Variants in PARPBP observed in about 807,000 individuals in gnomAD.
PARPBP encodes PARP1 binding protein.
PARPBP carries 52 observed loss-of-function variants against 50.0 expected under a neutral mutation model. That is an observed-to-expected ratio of 1.04 (90% CI 0.83 to 1.31). The LOEUF (loss-of-function observed/expected upper bound fraction) is 1.31, where lower values mean the gene tolerates loss of function less well. Ranked by LOEUF, PARPBP falls within the 50% of genes most tolerant of loss-of-function variation. The pLI is 0.00. For synonymous variants in PARPBP, 244 were observed against 232.1 expected (o/e 1.05, Z -0.47); for missense variants, 697 against 672.0 (o/e 1.04, Z -0.41).
At chr12:102,137,207 C>T (rs1883775842) in intron 2 of PARPBP, among the ~76,000 whole-genome samples, 2 of 152,182 alleles carry the variant, frequency 1.3e-5, no homozygotes, top group East Asian at 1.9e-4. Flanking sequence ...CCCGCCTCGG[C>T]CTCCCAAAGT....
intron 7 of PARPBP, among the ~76,000 whole-genome samples, chr12:102,175,967 T>C (rs1410733414): frequency 1.3e-5 from 2 of 152,022 alleles, no homozygotes; most frequent in Admixed American, 6.6e-5. Flanking sequence ...TGTTTTATGC[T>C]ATTTTTCCAT....
intron 3 of PARPBP, among the ~76,000 whole-genome samples, chr12:102,152,575 TTC>T (rs1886342933): frequency 2.0e-5 from 3 of 152,308 alleles, no homozygotes; most frequent in Admixed American, 1.3e-4. Context: ...AAGCTGACAA[TTC>T]AAGTTGTTCA....
chr12:102,148,193 A>G (rs1885668974), intron 2 of PARPBP, 37 bp from the exon 3 acceptor site: 6 of 874,680 alleles, frequency 6.9e-6, no homozygotes, highest in Non-Finnish European at 1.0e-5. Flanking sequence ...CTGGTACCCA[A>G]CTTTATTTTT....
chr12:102,148,306 T>TA lies in PARPBP; in HGVS notation c.231dup (p.Pro78ThrfsTer3). ...TACTTGCTCCATGAGAAATTGAACT[T>TA]ACCAGTTGAAAACATGGACGTGACT... is the stretch of plus-strand genomic sequence containing the variant. On this transcript the variant is annotated frameshift_variant, in exon 3 of 11. Transcript: ENST00000327680. LOFTEE classifies it high-confidence loss of function. The TA allele has an allele frequency of 9.3e-6, 15 of 1,608,094 alleles. No homozygotes were observed. The highest frequency in any genetic ancestry group is 1.3e-5 in the Non-Finnish European group (15 of 1,175,090).
chr12:102,129,322 T>A (rs550349285), intron 2 of PARPBP, among the ~76,000 whole-genome samples: 1 of 152,098 alleles, frequency 6.6e-6, no homozygotes, highest in Non-Finnish European at 1.5e-5. Flanking sequence ...GGTTGTTTTC[T>A]TATTGAGTTT....
At chr12:102,140,968 G>T (rs1006204708) in intron 2 of PARPBP, among the ~76,000 whole-genome samples, 5 of 152,160 alleles carry the variant, frequency 3.3e-5, no homozygotes, top group Non-Finnish European at 7.4e-5. Context: ...TGTTGATTTG[G>T]GGTGGAGAGT....
At chr12:102,172,168 G>T (rs1888821047) in intron 6 of PARPBP, among the ~76,000 whole-genome samples, 1 of 152,150 alleles carries the variant, frequency 6.6e-6, no homozygotes, top group African/African-American at 2.4e-5. Context: ...CTGCCCCAGG[G>T]CACTGGTGTG....
Position 102,196,620 on chromosome 12 carries a change from T to C in PARPBP, c.*329T>C. 1 of 1,546,686 alleles carries C rather than the reference T, an allele frequency of 6.5e-7. No homozygotes were observed. Among genetic ancestry groups the C allele is most frequent in the Middle Eastern group, 1.7e-4 (1 of 5,880 alleles). On this transcript the variant is annotated 3_prime_UTR_variant, in exon 11 of 11. Transcript: ENST00000327680. ...CATTGGCAATTAAATGCTTTTATTT[T>C]CTTCTGAAAAGATGATGTGGACCAA... is the stretch of plus-strand genomic sequence containing the variant.
At chr12:102,175,395 T>C (rs544988542) in intron 6 of PARPBP, 88 bp from the exon 7 acceptor site, 2 of 815,452 alleles carry the variant, frequency 2.5e-6, no homozygotes, top group Admixed American at 4.9e-5. Context: ...CTTTGAAAAG[T>C]GTTAACTCTG....
At chr12:102,165,673 A>ACTT in intron 5 of PARPBP, 56 bp from the exon 6 acceptor site, 4 of 1,356,550 alleles carry the variant, frequency 2.9e-6, no homozygotes, top group Non-Finnish European at 4.1e-6. Context: ...TTTATGAAGT[A>ACTT]AATTACAGTT....
intron 2 of PARPBP, among the ~76,000 whole-genome samples, chr12:102,137,566 A>G (rs2137848091): frequency 6.6e-6 from 1 of 151,792 alleles, no homozygotes; most frequent in Non-Finnish European, 1.5e-5. Flanking sequence ...CAGGTTTGTT[A>G]CATATGTACA....
At chr12:102,135,536 CAAAAAAAA>C (rs34890863) in intron 2 of PARPBP, among the ~76,000 whole-genome samples, 2 of 50,554 alleles carry the variant, frequency 4.0e-5, no homozygotes, top group African/African-American at 1.5e-4. Flanking sequence ...ACTCCGTCTC[CAAAAAAAA>C]AAAAAAAAAA....
At chr12:102,141,122 C>G (rs1170655200) in intron 2 of PARPBP, among the ~76,000 whole-genome samples, 1 of 152,174 alleles carries the variant, frequency 6.6e-6, no homozygotes, top group Non-Finnish European at 1.5e-5. Flanking sequence ...GAGTCTAAGT[C>G]TCTTGATAGG....
rs778176918 is a variant in PARPBP, at chr12:102,175,589, G to T, written c.928G>T (p.Asp310Tyr). Residue 310 changes from aspartate (D) to tyrosine (Y), a missense_variant, in exon 7 of 11, where the codon GAT becomes TAT. Coordinates refer to ENST00000327680, the MANE Select transcript of PARPBP (RefSeq NM_017915.5). ...AATAGAGGAAGTTGCTCAGGATTTG[G>T]ATTTGAGGATTAAAAATATTATCAA... ...KAIEEVAQDLDLRIKNIINSQ... is the reference protein window; with the variant it reads ...KAIEEVAQDLYLRIKNIINSQ... 2 of 1,613,396 alleles carry T rather than the reference G, an allele frequency of 1.2e-6. No homozygotes were observed. Among genetic ancestry groups the T allele is most frequent in the Non-Finnish European group, 1.7e-6 (2 of 1,179,408 alleles).
At chr12:102,194,460 G>A (rs1312866503) in intron 9 of PARPBP, among the ~76,000 whole-genome samples, 2 of 151,772 alleles carry the variant, frequency 1.3e-5, no homozygotes, top group Non-Finnish European at 2.9e-5. Context: ...GTTGAAATTG[G>A]CATTATTTGT....
chr12:102,146,058 A>G (rs1370788499), intron 2 of PARPBP, among the ~76,000 whole-genome samples: 2 of 152,314 alleles, frequency 1.3e-5, no homozygotes, highest in African/African-American at 4.8e-5. Context: ...GCTCAATGAA[A>G]TAAAAGAGGA....
At chr12:102,160,510 GTTA>G (rs1357353530) in intron 4 of PARPBP, among the ~76,000 whole-genome samples, 2 of 152,192 alleles carry the variant, frequency 1.3e-5, no homozygotes, top group African/African-American at 2.4e-5. Flanking sequence ...GGTAAATTGT[GTTA>G]TTCTTCTCAG....
At chr12:102,163,843 T>G (rs73384859) in intron 4 of PARPBP, among the ~76,000 whole-genome samples, 1 of 152,218 alleles carries the variant, frequency 6.6e-6, no homozygotes, top group Non-Finnish European at 1.5e-5. Context: ...TTTTAATTCA[T>G]TGAACATATT....
chr12:102,147,556 G>C (rs550697727), intron 2 of PARPBP, among the ~76,000 whole-genome samples: 2 of 129,428 alleles, frequency 1.5e-5, no homozygotes, highest in Non-Finnish European at 3.2e-5. Flanking sequence ...CACACTCTGG[G>C]GACTCTTGTG....
Sources: gnomAD v4.1 joint callset for allele counts (sites outside exome capture counted in the v4.1 genomes callset) on GRCh38, gnomAD v4.1.1 for gene constraint, MANE v1.5 for transcripts, NCBI Gene and HGNC (gene_info 2026-07-23, HGNC 2026-07-21) for gene names.